Variants in NLRC4 observed in about 807,000 individuals in gnomAD.
NLRC4 encodes NLR family CARD domain containing 4.
NLRC4 carries 63 observed loss-of-function variants against 79.9 expected under a neutral mutation model. The ratio of observed to expected loss-of-function variants is 0.79; its 90% CI spans 0.64 to 0.97. The LOEUF (loss-of-function observed/expected upper bound fraction) is 0.97. Ranked by LOEUF, NLRC4 falls within the 50% of genes least tolerant of loss-of-function variation. The pLI is 0.00. For synonymous variants in NLRC4, 461 were observed against 456.5 expected, an observed-to-expected ratio of 1.01 and a Z score of -0.12; for missense variants, 1,074 against 1,215.2, an observed-to-expected ratio of 0.88 and a Z score of 1.73.
chr2:32,250,339 G>A lies in NLRC4; in HGVS notation c.1525C>T (p.Leu509Phe), dbSNP rs1558457213. 1 of 1,614,056 alleles carries A rather than the reference G, an allele frequency of 6.2e-7. No homozygotes were observed. Among genetic ancestry groups the A allele is most frequent in the Non-Finnish European group, 8.5e-7 (1 of 1,180,034 alleles). The change falls in exon 4 of 9, where the codon CTC becomes TTC. Residue 509 changes from leucine (L) to phenylalanine (F), a missense_variant. Transcript: ENST00000402280. The surrounding 1 kb of genome is among the most constrained non-coding windows in gnomAD (Gnocchi z 4.9). ...CAGCCGTGTTGATACACTGCTGCGA[G>A]GTGCTTCATAACAGCCCTGGTGGCT... ...VEATRAVMKH[L>F]AAVYQHGCLL...
rs545648151 is a variant in NLRC4, at chr2:32,263,612, A to C, written c.-119+1126T>G. ...AAGCTCAAATGAGGCTGTTATGAGA[A>C]GAGGAAATCGGGACACACAAAGGGA... On this transcript the variant is annotated intron_variant, in intron 1 of 8. Transcript: ENST00000402280. Among the ~76,000 whole-genome samples, 5 of 152,284 alleles carry C rather than the reference A, an allele frequency of 3.3e-5. No homozygotes were observed. In the South Asian group the frequency reaches 1.0e-3, roughly 32 times the overall value.
rs139204074 is a variant in NLRC4 at position 32,253,149 on chromosome 2, T to G, written c.2-470A>C. Among the ~76,000 whole-genome samples the G allele has an allele frequency of 4.2e-3, 634 of 152,240 alleles. 9 individuals are homozygous for G. The highest frequency in any genetic ancestry group is 0.015 in the African/African-American group (624 of 41,560). Reference sequence around the variant, plus strand: ...AATTCCAGGCCTTCAAGAAATGCTCTGCCAAGCATTTTTTTTCTGAGACGG... The same window carrying G: ...AATTCCAGGCCTTCAAGAAATGCTCGGCCAAGCATTTTTTTTCTGAGACGG... On this transcript the variant is annotated intron_variant, in intron 2 of 8. Coordinates refer to ENST00000402280, the MANE Select transcript of NLRC4 (RefSeq NM_001199138.2).
intron 2 of NLRC4, among the ~76,000 whole-genome samples, chr2:32,255,691 A>G (rs1687192188): frequency 6.6e-6 from 1 of 152,118 alleles, no homozygotes; most frequent in Non-Finnish European, 1.5e-5. Context: ...TGAATAAGTC[A>G]CATAACTCTC....
chr2:32,241,369 CTTTTTTTTTTTT>C (rs34150887), intron 4 of NLRC4, among the ~76,000 whole-genome samples: 1 of 74,360 alleles, frequency 1.3e-5, no homozygotes, highest in African/African-American at 5.6e-5. Context: ...AAAAAATTTC[CTTTTTTTTTTTT>C]TTTTTTTTTT....
chr2:32,236,182 TATGTATTTCGA>T (rs760531846), intron 7 of NLRC4, 54 bp downstream of exon 7: 324 of 978,192 alleles, frequency 3.3e-4, no homozygotes, highest in Admixed American at 9.5e-4. Flanking sequence ...GGACCCAGGC[TATGTATTTCGA>T]CTACCCAGTA....
At chr2:32,264,915 T>C (rs1208205870), upstream of NLRC4, 1 of 152,160 alleles carries the variant, frequency 6.6e-6, no homozygotes, top group Non-Finnish European at 1.5e-5. Context: ...TTCCTTTTTT[T>C]TTTTTCAAAG....
chr2:32,235,061 A>T (rs1180939557), intron 8 of NLRC4, among the ~76,000 whole-genome samples: 2 of 152,196 alleles, frequency 1.3e-5, no homozygotes, highest in Non-Finnish European at 2.9e-5. Context: ...TATGTTTTGA[A>T]TACCCAGTAA....
intron 2 of NLRC4, among the ~76,000 whole-genome samples, chr2:32,255,178 G>C (rs1687176628): frequency 6.6e-6 from 1 of 151,364 alleles, no homozygotes; most frequent in Non-Finnish European, 1.5e-5. Flanking sequence ...CCCTATGGAA[G>C]TAACCTCTAA....
intron 5 of NLRC4, among the ~76,000 whole-genome samples, chr2:32,240,536 A>C (rs1446219743): frequency 6.6e-6 from 1 of 151,924 alleles, no homozygotes. Flanking sequence ...GTGTTCCTGA[A>C]GTTTCCTTTT....
chr2:32,235,288 T>C, intron 8 of NLRC4, 113 bp downstream of exon 8: 1 of 751,072 alleles, frequency 1.3e-6, no homozygotes, highest in South Asian at 1.7e-5. Flanking sequence ...CATATTTATA[T>C]TTTAAAAAAA....
chr2:32,255,119 C>T (rs577403733), intron 2 of NLRC4, among the ~76,000 whole-genome samples: 237 of 151,998 alleles, frequency 1.6e-3, no homozygotes, highest in Non-Finnish European at 2.9e-3. Context: ...TGCAAGAGTC[C>T]CATCTCTCTC....
At chr2:32,245,834 A>C (rs1476779256) in intron 4 of NLRC4, among the ~76,000 whole-genome samples, 1 of 152,236 alleles carries the variant, frequency 6.6e-6, no homozygotes. Context: ...ATTTGCTTCA[A>C]TAATACCTGT....
chr2:32,242,797 C>T (rs144983019), intron 4 of NLRC4, among the ~76,000 whole-genome samples: 58 of 152,198 alleles, frequency 3.8e-4, no homozygotes, highest in African/African-American at 1.3e-3. Flanking sequence ...CTATAATCCC[C>T]GTGCTTTGGG....
chr2:32,265,292 C>T (rs568741712), upstream of NLRC4, among the ~76,000 whole-genome samples: 9 of 152,048 alleles, frequency 5.9e-5, no homozygotes, highest in Non-Finnish European at 1.2e-4. Flanking sequence ...GCGTTCCTCC[C>T]GCCTCAGTCC....
At chr2:32,231,153 G>GT (rs950825534) in intron 8 of NLRC4, among the ~76,000 whole-genome samples, 1 of 151,842 alleles carries the variant, frequency 6.6e-6, no homozygotes, top group African/African-American at 2.4e-5. Context: ...AGTTGTAAGA[G>GT]TTTTTTTGTT....
At chr2:32,253,490 T>C (rs377390015) in intron 2 of NLRC4, among the ~76,000 whole-genome samples, 339 of 152,136 alleles carry the variant, frequency 2.2e-3, no homozygotes, top group African/African-American at 7.6e-3. Flanking sequence ...ATGAGCAAGA[T>C]GTTTTGCTTT....
At chr2:32,227,149 A>G (rs533449785) in intron 8 of NLRC4, among the ~76,000 whole-genome samples, 2 of 147,876 alleles carry the variant, frequency 1.4e-5, no homozygotes, top group East Asian at 4.0e-4. Context: ...GTCAAAAATA[A>G]CACTCTTAAG....
At position 32,250,193 on chromosome 2, in the gene NLRC4, A is replaced by G. The variant is rs1394295618; in HGVS notation, c.1671T>C (p.Cys557=). 1.2e-6 allele frequency: 2 copies of G among 1,614,126 alleles called. No individual in the cohort carries two copies. Residue 557 remains cysteine, a synonymous_variant, in exon 4 of 9, where the codon TGT becomes TGC. Transcript: ENST00000402280. The surrounding 1 kb of genome is among the most constrained non-coding windows in gnomAD (Gnocchi z 4.9). ...TACTCTCTTGATATAAATGGATGCC[A>G]CACTCTACAAAGGAATTGATGTTTA... The part of the protein sequence containing the change: ...KAININSFVE[C]GIHLYQESTS...
chr2:32,232,687 G>A (rs966587089), intron 8 of NLRC4, among the ~76,000 whole-genome samples: 17 of 152,198 alleles, frequency 1.1e-4, no homozygotes, highest in Non-Finnish European at 2.4e-4. Context: ...GATGGAAGAT[G>A]GAGTTGAAAC....
Sources: gnomAD v4.1 joint callset for allele counts (sites outside exome capture counted in the v4.1 genomes callset) on GRCh38, gnomAD v4.1.1 for gene constraint, Gnocchi (gnomAD v3.1) non-coding constraint, MANE v1.5 for transcripts, NCBI Gene and HGNC (gene_info 2026-07-23, HGNC 2026-07-21) for gene names.